GSTA4: variants seen among roughly 807,000 people sequenced by gnomAD.
The protein encoded by GSTA4 is glutathione S-transferase alpha 4, also known as glutathione S-transferase A4.
A neutral mutation model predicts 24.4 loss-of-function variants in GSTA4; 15 were observed. The ratio of observed to expected loss-of-function variants is 0.61; its 90% CI spans 0.41 to 0.95. The LOEUF (loss-of-function observed/expected upper bound fraction) is 0.95. Ranked by LOEUF, GSTA4 falls within the 40% of genes least tolerant of loss-of-function variation. The pLI, the probability that GSTA4 is intolerant of heterozygous loss-of-function variation, is 0.00. For missense variants in GSTA4, 244 were observed against 262.1 expected (o/e 0.93, Z 0.48); for synonymous variants, 92 against 94.2 (o/e 0.98, Z 0.13).
chr6:52,990,424 C>A (rs1763641392), intron 2 of GSTA4, among the ~76,000 whole-genome samples: 1 of 152,138 alleles, frequency 6.6e-6, no homozygotes, highest in Non-Finnish European at 1.5e-5. Flanking sequence ...AGGGCCCCTC[C>A]CCACCACCTT....
chr6:52,987,489 A>G, intron 2 of GSTA4, 81 bp from the exon 3 acceptor site: 2 of 749,166 alleles, frequency 2.7e-6, no homozygotes, highest in Non-Finnish European at 4.6e-6. Flanking sequence ...TGTCATTTTC[A>G]GCAACACCAA....
At chr6:52,981,872 C>A (rs1174247438) in intron 6 of GSTA4, among the ~76,000 whole-genome samples, 1 of 152,144 alleles carries the variant, frequency 6.6e-6, no homozygotes, top group Non-Finnish European at 1.5e-5. Context: ...ATCAATCCTG[C>A]CAGAATAACC....
rs1763511832 is a variant in GSTA4 at position 52,984,446 on chromosome 6, G to C, written c.414+18C>G. The C allele has an allele frequency of 6.2e-7, 1 of 1,608,156 alleles. No homozygotes were observed. Among genetic ancestry groups the C allele is most frequent in the African/African-American group, 1.3e-5 (1 of 74,624 alleles). On this transcript the variant is annotated intron_variant, in intron 5 of 6. Transcript: ENST00000370963. ...GTGGTTTGGTTGCTCTGTGTATGTAGGCATCTCTGCCACCTACCTTTTCAA... is the reference window on the plus strand; with the variant it reads ...GTGGTTTGGTTGCTCTGTGTATGTACGCATCTCTGCCACCTACCTTTTCAA...
At chr6:52,978,982 C>T (rs1763398758) in intron 6 of GSTA4, among the ~76,000 whole-genome samples, 1 of 152,012 alleles carries the variant, frequency 6.6e-6, no homozygotes, top group Non-Finnish European at 1.5e-5. Context: ...TCATCAATCA[C>T]CGGTATCAAG....
chr6:52,995,127 A>AT (rs1458358164), intron 1 of GSTA4, 122 bp downstream of exon 1: 1 of 153,012 alleles, frequency 6.5e-6, no homozygotes, highest in Non-Finnish European at 1.5e-5. Flanking sequence ...AAAAGACAAG[A>AT]GAAGGACTGA....
chr6:52,984,337 A>G, intron 5 of GSTA4, 127 bp downstream of exon 5: 1 of 824,682 alleles, frequency 1.2e-6, no homozygotes. Flanking sequence ...TTAGGAGTCC[A>G]TTAGCGCTTA....
At chr6:52,983,769 G>A (rs560913406) in intron 5 of GSTA4, among the ~76,000 whole-genome samples, 1 of 152,234 alleles carries the variant, frequency 6.6e-6, no homozygotes, top group South Asian at 2.1e-4. Flanking sequence ...CATTCACAAA[G>A]TGCCTGTGGG....
Position 52,984,700 on chromosome 6 carries a change from A to G in GSTA4, c.273-95T>C, listed in dbSNP as rs201374145. 1.3e-4 allele frequency: 84 copies of G among 650,964 alleles called. 1 individual carries two copies. In the African/African-American group the frequency reaches 2.0e-3, roughly 16 times the overall value. 40.3% of individuals were successfully genotyped at this position (650,964 alleles called of 1,614,324 possible). On this transcript the variant is annotated intron_variant, in intron 4 of 6. Transcript: ENST00000370963. ...TCAGAGTGCTTTTTTTTTTTTTTTT[A>G]AAGATGCTGCAACTTAAGTCCCTAG... is the stretch of plus-strand genomic sequence containing the variant.
chr6:52,989,396 GTCTGGATCAGGACCCCTT>G (rs1763623033), intron 2 of GSTA4, among the ~76,000 whole-genome samples: 1 of 152,192 alleles, frequency 6.6e-6, no homozygotes, highest in Admixed American at 6.5e-5. Flanking sequence ...CTCGGTTGGG[GTCTGGATCAGGACCCCTT>G]TCCTGTAACA....
intron 6 of GSTA4, among the ~76,000 whole-genome samples, chr6:52,981,467 G>T (rs1262917679): frequency 6.6e-6 from 1 of 152,168 alleles, no homozygotes; most frequent in Admixed American, 6.5e-5. Context: ...CTCTGCTGTA[G>T]AAAAACAAAA....
intron 6 of GSTA4, among the ~76,000 whole-genome samples, chr6:52,980,311 G>GGTT (rs1554164221): frequency 6.8e-6 from 1 of 147,240 alleles, no homozygotes; most frequent in African/African-American, 2.5e-5. Flanking sequence ...ATTTCACTTT[G>GGTT]TTTTTTTTTT....
intron 2 of GSTA4, among the ~76,000 whole-genome samples, chr6:52,992,738 T>A (rs1763688183): frequency 6.6e-6 from 1 of 152,200 alleles, no homozygotes; most frequent in Non-Finnish European, 1.5e-5. Context: ...TGGGAAATTG[T>A]CATGGATTGT....
In GSTA4 at chr6:52,994,162, C is replaced by T. The variant is rs777678390; in HGVS notation, c.82G>A (p.Val28Ile). ...SVRWVLAAAGVEFDEEFLETK... is the reference protein window; with the variant it reads ...SVRWVLAAAGIEFDEEFLETK... ...AGAAACAGCATATAAGGTACCTCGA[C>T]TCCGGCGGCAGCTAAAACCCATCTC... The change falls in exon 2 of 7, where the codon GTC (valine) becomes ATC (isoleucine). Residue 28 changes from valine to isoleucine, a missense_variant. Coordinates refer to ENST00000370963, the MANE Select transcript of GSTA4 (RefSeq NM_001512.4). The T allele has an allele frequency of 6.2e-7, 1 of 1,605,462 alleles. No homozygotes were observed.
intron 5 of GSTA4, among the ~76,000 whole-genome samples, 199 bp from the exon 6 acceptor site, chr6:52,982,904 CGA>C (rs1017723991): frequency 1.3e-4 from 14 of 107,428 alleles, no homozygotes; most frequent in Admixed American, 2.9e-4. Flanking sequence ...AGAGAGAGAG[CGA>C]GAGAGAGAGA....
chr6:52,984,658 T>A, intron 4 of GSTA4, 53 bp from the exon 5 acceptor site: 2 of 1,509,850 alleles, frequency 1.3e-6, no homozygotes, highest in Non-Finnish European at 1.8e-6. Flanking sequence ...AAGCCATCAG[T>A]TTCCACAACT....
rs1400501134 is a variant in GSTA4, at chr6:52,978,412, G to A, written c.*58C>T. 6.4e-7 allele frequency: 1 copy of A among 1,559,158 alleles called. No individual in the cohort carries two copies. The highest frequency in any genetic ancestry group is 2.3e-5 in the East Asian group (1 of 43,996). On this transcript the variant is annotated 3_prime_UTR_variant, in exon 7 of 7. Transcript: ENST00000370963. ...ACAGAGCTGGGATCCATTAAGACATGACTGTAGACAATACCATCTCTAGGA... is the reference window on the plus strand; with the variant it reads ...ACAGAGCTGGGATCCATTAAGACATAACTGTAGACAATACCATCTCTAGGA...
intron 5 of GSTA4, 24 bp from the exon 6 acceptor site, chr6:52,982,729 G>A: frequency 6.3e-7 from 1 of 1,594,596 alleles, no homozygotes; most frequent in Non-Finnish European, 8.6e-7. Flanking sequence ...GTGTGCATCA[G>A]TTACAATATT....
At chr6:52,984,320 TTCG>T (rs1763508775) in intron 5 of GSTA4, 141 bp downstream of exon 5, 1 of 688,746 alleles carries the variant, frequency 1.5e-6, no homozygotes, top group African/African-American at 1.8e-5. Flanking sequence ...GTGGCTACTA[TTCG>T]CTCTTAGGAG....
chr6:52,989,867 T>C (rs143944231), intron 2 of GSTA4, among the ~76,000 whole-genome samples: 87 of 152,292 alleles, frequency 5.7e-4, no homozygotes, highest in African/African-American at 2.1e-3. Context: ...TATTTATTTT[T>C]TCTTAGAGGT....
Sources: gnomAD v4.1 joint callset for allele counts (sites outside exome capture counted in the v4.1 genomes callset) on GRCh38, gnomAD v4.1.1 for gene constraint, MANE v1.5 for transcripts, NCBI Gene and HGNC (gene_info 2026-07-23, HGNC 2026-07-21) for gene names.